PRICKLE1: variants seen among roughly 807,000 people sequenced by gnomAD.
PRICKLE1 encodes prickle planar cell polarity protein 1.
Under a neutral mutation model 70.2 loss-of-function variants are expected in PRICKLE1, and 14 were observed. The ratio of observed to expected loss-of-function variants is 0.20; its 90% CI spans 0.13 to 0.31. PRICKLE1 has a LOEUF of 0.31. Among genes scored for constraint, PRICKLE1 ranks in the 10% least tolerant of loss-of-function variants. The pLI, the probability that PRICKLE1 is intolerant of heterozygous loss-of-function variation, is 1.00. For missense variants in PRICKLE1, 821 were observed against 1,026.2 expected (o/e 0.80, Z 2.73); for synonymous variants, 357 against 379.9 (o/e 0.94, Z 0.70).
Position 42,491,650 on chromosome 12 carries a change from G to A in PRICKLE1, c.-48-19086C>T, listed in dbSNP as rs374796431. On this transcript the variant is annotated intron_variant, in intron 1 of 7. Coordinates refer to ENST00000345127, the MANE Select transcript of PRICKLE1 (RefSeq NM_153026.3). ...TTTAGGTTGGAATGTAATCCATGTG[G>A]AAGAACTACCCAACTAACTCCTACT... Among the ~76,000 whole-genome samples the A allele has an allele frequency of 5.9e-5, 9 of 152,212 alleles. No individual in the cohort carries two copies. In the South Asian group the frequency reaches 1.9e-3, roughly 32 times the overall value.
chr12:42,543,317 A>C (rs1033986418), intron 1 of PRICKLE1, among the ~76,000 whole-genome samples: 1 of 151,630 alleles, frequency 6.6e-6, no homozygotes, highest in African/African-American at 2.4e-5. Flanking sequence ...TGAACAATGT[A>C]GGTGTTAGGG....
chr12:42,562,754 T>A (rs1940538563), intron 1 of PRICKLE1, among the ~76,000 whole-genome samples: 1 of 151,716 alleles, frequency 6.6e-6, no homozygotes, highest in Non-Finnish European at 1.5e-5. Context: ...ATATCCTAAA[T>A]CACAGAAGGA....
intron 1 of PRICKLE1, among the ~76,000 whole-genome samples, chr12:42,537,337 A>ATT (rs973371406): frequency 1.3e-5 from 2 of 151,308 alleles, no homozygotes; most frequent in African/African-American, 4.9e-5. Flanking sequence ...TTAAAAAAAA[A>ATT]TTTTTTTTGG....
chr12:42,575,371 G>A (rs1940786816), intron 1 of PRICKLE1, among the ~76,000 whole-genome samples: 1 of 152,134 alleles, frequency 6.6e-6, no homozygotes. Flanking sequence ...GTCCCTAAGA[G>A]TACAGTTAAT....
chr12:42,511,839 T>C (rs1939518840), intron 1 of PRICKLE1, among the ~76,000 whole-genome samples: 1 of 152,352 alleles, frequency 6.6e-6, no homozygotes, highest in Non-Finnish European at 1.5e-5. Context: ...CTAGATATTG[T>C]GCTCTGTACA....
intron 1 of PRICKLE1, among the ~76,000 whole-genome samples, chr12:42,560,809 CACACACACAA>C (rs1940500768): frequency 1.5e-5 from 2 of 134,474 alleles, no homozygotes; most frequent in East Asian, 2.1e-4. Context: ...CACACACACA[CACACACACAA>C]AACAAAAAAC....
At chr12:42,523,330 C>T (rs1324748057) in intron 1 of PRICKLE1, among the ~76,000 whole-genome samples, 1 of 152,174 alleles carries the variant, frequency 6.6e-6, no homozygotes, top group Admixed American at 6.5e-5. Flanking sequence ...CCAAGATGCT[C>T]ATTTTCTGAA....
At chr12:42,478,580 A>G (rs1938665284) in intron 1 of PRICKLE1, among the ~76,000 whole-genome samples, 1 of 152,234 alleles carries the variant, frequency 6.6e-6, no homozygotes, top group Non-Finnish European at 1.5e-5. Context: ...TAGCAGGTTC[A>G]TGAGTTCTTT....
intron 1 of PRICKLE1, among the ~76,000 whole-genome samples, chr12:42,499,577 C>T (rs1939269727): frequency 6.6e-6 from 1 of 152,130 alleles, no homozygotes; most frequent in Non-Finnish European, 1.5e-5. Context: ...CATGCCACCA[C>T]ACCCGGCTCA....
At chr12:42,518,634 C>T (rs1486797892) in intron 1 of PRICKLE1, among the ~76,000 whole-genome samples, 2 of 152,152 alleles carry the variant, frequency 1.3e-5, no homozygotes, top group Non-Finnish European at 2.9e-5. Flanking sequence ...TGTCTTCCAA[C>T]CTTAAAACTA....
chr12:42,520,321 G>T (rs971224611), intron 1 of PRICKLE1, among the ~76,000 whole-genome samples: 1 of 152,190 alleles, frequency 6.6e-6, no homozygotes, highest in African/African-American at 2.4e-5. Context: ...ATGTAAGACC[G>T]TGGTGGTCAA....
intron 1 of PRICKLE1, among the ~76,000 whole-genome samples, chr12:42,543,695 G>C (rs1940156682): frequency 6.6e-6 from 1 of 151,974 alleles, no homozygotes; most frequent in Non-Finnish European, 1.5e-5. Context: ...GCTAATTTTT[G>C]TATTTTTAGT....
At chr12:42,552,323 C>A (rs1369362933) in intron 1 of PRICKLE1, among the ~76,000 whole-genome samples, 1 of 152,162 alleles carries the variant, frequency 6.6e-6, no homozygotes, top group Admixed American at 6.5e-5. Context: ...CCACCTTGGC[C>A]TCCCAAAGTG....
At chr12:42,480,372 A>G (rs1181030785) in intron 1 of PRICKLE1, among the ~76,000 whole-genome samples, 1 of 152,088 alleles carries the variant, frequency 6.6e-6, no homozygotes, top group Non-Finnish European at 1.5e-5. Flanking sequence ...GGATTGCTTG[A>G]GCCCAGGAGT....
At chr12:42,509,966 A>G (rs1272260007) in intron 1 of PRICKLE1, among the ~76,000 whole-genome samples, 6 of 151,810 alleles carry the variant, frequency 4.0e-5, no homozygotes, top group Non-Finnish European at 4.4e-5. Context: ...CTAGCTACTC[A>G]GGAGGCTGAT....
Position 42,460,030 on chromosome 12 carries a change from C to T in PRICKLE1, c.2275G>A (p.Asp759Asn), listed in dbSNP as rs886042287. The change falls in exon 8 of 8, where the codon GAT becomes AAT. Residue 759 changes from aspartate (D) to asparagine (N), a missense_variant. Transcript: ENST00000345127. ...GAGGAGGAAGAACACCAGGAATCAT[C>T]ATCCTCGCCGTAGAGTCCCAGAAAC... Reference protein sequence around the residue: ...NRFLGLYGEDDDSWCSSSSSS... With the variant: ...NRFLGLYGEDNDSWCSSSSSS... 1 of 1,614,112 alleles carries T rather than the reference C, an allele frequency of 6.2e-7. No individual in the cohort carries two copies. The highest frequency in any genetic ancestry group is 8.5e-7 in the Non-Finnish European group (1 of 1,180,022).
rs1485994536 is a variant in PRICKLE1 at position 42,464,388 on chromosome 12, T to A, written c.1639+7A>T. On this transcript the variant is annotated splice_region_variant and intron_variant, in intron 7 of 7. Coordinates refer to ENST00000345127, the MANE Select transcript of PRICKLE1 (RefSeq NM_153026.3). This position sits in a 1 kb window ranked among gnomAD's most constrained non-coding sequence, Gnocchi z 4.2. ...TTCAAATACCCCATAATCCCTAGATTACGTACCTGTGATATTGGACAATGC... is the reference window on the plus strand; with the variant it reads ...TTCAAATACCCCATAATCCCTAGATAACGTACCTGTGATATTGGACAATGC... The A allele has an allele frequency of 1.9e-6, 3 of 1,614,192 alleles. No individual in the cohort carries two copies. In the South Asian group the frequency reaches 3.3e-5, roughly 18 times the overall value.
intron 1 of PRICKLE1, among the ~76,000 whole-genome samples, chr12:42,566,341 G>C (rs974784272): frequency 1.3e-5 from 2 of 152,158 alleles, no homozygotes; most frequent in African/African-American, 4.8e-5. Flanking sequence ...TGAATAACTC[G>C]GTGGTTGCTG....
At position 42,465,978 on chromosome 12, in the gene PRICKLE1, C is replaced by T. The variant is rs139412822; in HGVS notation, c.775+216G>A. 1.4e-3 allele frequency: 852 copies of T among 610,030 alleles called. 1 individual carries two copies. In the African/African-American group the frequency reaches 0.014, roughly 10 times the overall value. 37.8% of individuals were successfully genotyped at this position (610,030 alleles called of 1,614,324 possible). ...TCAGTGTTCACTAATCCAGTGTTTG[C>T]AGTAACGTCACAGAACACAACTACT... On this transcript the variant is annotated intron_variant, in intron 6 of 7. Coordinates refer to ENST00000345127, the MANE Select transcript of PRICKLE1 (RefSeq NM_153026.3).
Sources: gnomAD v4.1 joint callset for allele counts (sites outside exome capture counted in the v4.1 genomes callset) on GRCh38, gnomAD v4.1.1 for gene constraint, Gnocchi (gnomAD v3.1) non-coding constraint, MANE v1.5 for transcripts, NCBI Gene and HGNC (gene_info 2026-07-23, HGNC 2026-07-21) for gene names.